Variants in SAMD5 observed in about 807,000 individuals in gnomAD.
The protein encoded by SAMD5 is sterile alpha motif domain-containing protein 5.
In SAMD5, 13 loss-of-function variants were observed where a neutral mutation model predicts 11.3. That is an observed-to-expected ratio of 1.15 (90% CI 0.75 to 1.83). The LOEUF (loss-of-function observed/expected upper bound fraction) is 1.83, where lower values mean the gene tolerates loss of function less well. Among genes scored for constraint, SAMD5 ranks in the 40% most tolerant of loss-of-function variants. The pLI is 0.00. For synonymous variants in SAMD5, 129 were observed against 111.3 expected (o/e 1.16, Z -1.00); for missense variants, 255 against 239.1 (o/e 1.07, Z -0.44).
chr6:147,524,422 G>GTT (rs71270324), intron 1 of SAMD5, among the ~76,000 whole-genome samples: 11 of 142,756 alleles, frequency 7.7e-5, no homozygotes, highest in African/African-American at 2.5e-4. Context: ...TGTTTTTGTT[G>GTT]TTTTTTTTTT....
chr6:147,768,655 TAATC>T, the SAMD5 span, among the ~76,000 whole-genome samples: 2 of 152,232 alleles, frequency 1.3e-5, no homozygotes, highest in African/African-American at 2.4e-5. Context: ...ATTTTATTTT[TAATC>T]AATAAATCAT....
chr6:147,626,791 GAA>G (rs529975933), intron 1 of SAMD5, among the ~76,000 whole-genome samples: 10,437 of 53,748 alleles, frequency 0.19, 287 homozygotes, highest in African/African-American at 0.22. Flanking sequence ...CTGTTTCTAT[GAA>G]AAAAAAAAAA....
rs75206143 is a variant in SAMD5 at position 147,728,159 on chromosome 6, C to T, written c.163-9158C>T. On this transcript the variant is annotated intron_variant, in intron 1 of 1. Coordinates refer to the SAMD5 transcript ENST00000566741. ...GAGATAACCAGGCTGGGCCCAGCGG[C>T]TCACACCTGTAATCCCAGCACTTTG... Among the ~76,000 whole-genome samples, 119 of 144,640 alleles carry T rather than the reference C, an allele frequency of 8.2e-4. 1 individual carries two copies. Among genetic ancestry groups the T allele is most frequent in the African/African-American group, 2.9e-3 (114 of 39,948 alleles). The allele number at this position is 144,640 out of a possible 152,430, so 94.9% of individuals were successfully genotyped here.
chr6:147,811,977 G>A, the SAMD5 span, among the ~76,000 whole-genome samples: 17 of 152,080 alleles, frequency 1.1e-4, no homozygotes, highest in East Asian at 3.9e-4. Context: ...GATAAAGGAC[G>A]TCACTTTTGG....
At chr6:147,928,214 G>A in the SAMD5 span, among the ~76,000 whole-genome samples, 2 of 151,982 alleles carry the variant, frequency 1.3e-5, no homozygotes, top group Non-Finnish European at 2.9e-5. Flanking sequence ...TCAGTTTTGG[G>A]AAATAGTTTC....
the SAMD5 span, among the ~76,000 whole-genome samples, chr6:147,939,313 T>C: frequency 1.3e-5 from 2 of 152,152 alleles, no homozygotes; most frequent in African/African-American, 2.4e-5. Context: ...GATTAAATCA[T>C]TGGCCACTGA....
intron 1 of SAMD5, among the ~76,000 whole-genome samples, chr6:147,672,147 A>G (rs1480091638): frequency 6.6e-6 from 1 of 151,690 alleles, no homozygotes; most frequent in Non-Finnish European, 1.5e-5. Flanking sequence ...TACTTTTGTT[A>G]TTTGTCTTAA....
the SAMD5 span, among the ~76,000 whole-genome samples, chr6:147,802,549 A>C: frequency 6.6e-6 from 1 of 151,636 alleles, no homozygotes; most frequent in African/African-American, 2.4e-5. Flanking sequence ...CAGCAGTTCC[A>C]CCCCTGGGTA....
At chr6:147,527,220 A>G (rs1051078580) in intron 1 of SAMD5, among the ~76,000 whole-genome samples, 3 of 152,162 alleles carry the variant, frequency 2.0e-5, no homozygotes, top group Non-Finnish European at 2.9e-5. Flanking sequence ...ATTTATAAAG[A>G]AAATAGGTTT....
At chr6:147,785,829 T>C in the SAMD5 span, among the ~76,000 whole-genome samples, 1 of 152,206 alleles carries the variant, frequency 6.6e-6, no homozygotes, top group Non-Finnish European at 1.5e-5. Context: ...CAGGAAGATC[T>C]CAAGAGATTA....
intron 1 of SAMD5, among the ~76,000 whole-genome samples, chr6:147,525,981 G>A (rs1788333110): frequency 6.6e-6 from 1 of 151,974 alleles, no homozygotes; most frequent in South Asian, 2.1e-4. Flanking sequence ...CATTATCTTT[G>A]GATATACCAC....
downstream of SAMD5, among the ~76,000 whole-genome samples, chr6:147,740,290 C>T (rs572716127): frequency 6.6e-6 from 1 of 152,222 alleles, no homozygotes; most frequent in Admixed American, 6.5e-5. Context: ...TGGTTCTCTA[C>T]TGCTCAAATA....
chr6:147,759,077 A>G, the SAMD5 span, among the ~76,000 whole-genome samples: 2 of 152,234 alleles, frequency 1.3e-5, no homozygotes, highest in East Asian at 1.9e-4. Context: ...GCGGTAGGCA[A>G]TGCATATTGC....
chr6:147,713,696 T>G (rs1216914907), intron 1 of SAMD5, among the ~76,000 whole-genome samples: 1 of 152,158 alleles, frequency 6.6e-6, no homozygotes, highest in African/African-American at 2.4e-5. Context: ...ACACAGAGTA[T>G]GGGGTAGAAG....
At chr6:147,514,230 C>G (rs1173961161) in intron 1 of SAMD5, among the ~76,000 whole-genome samples, 1 of 151,904 alleles carries the variant, frequency 6.6e-6, no homozygotes. Flanking sequence ...GGGTGGGTAG[C>G]TTCTCCTCCA....
At chr6:147,598,674 C>T (rs1789571768) in intron 1 of SAMD5, among the ~76,000 whole-genome samples, 2 of 152,170 alleles carry the variant, frequency 1.3e-5, no homozygotes, top group Non-Finnish European at 2.9e-5. Flanking sequence ...TGGAATCCAG[C>T]CCTTGAATCC....
chr6:147,764,909 A>C, the SAMD5 span, among the ~76,000 whole-genome samples: 1 of 152,144 alleles, frequency 6.6e-6, no homozygotes. Context: ...CTTTGTATGC[A>C]CGGTGGTTTG....
downstream of SAMD5, among the ~76,000 whole-genome samples, chr6:147,742,408 G>A (rs191218354): frequency 6.6e-5 from 10 of 152,176 alleles, no homozygotes; most frequent in African/African-American, 1.7e-4. Context: ...AATAATCTTC[G>A]CGTGACCTGC....
At chr6:147,560,156 T>C (rs907376594) in intron 1 of SAMD5, among the ~76,000 whole-genome samples, 3 of 152,224 alleles carry the variant, frequency 2.0e-5, no homozygotes, top group Admixed American at 6.5e-5. Context: ...CTATAGGAGA[T>C]ATGAACAAAT....
Sources: gnomAD v4.1 joint callset for allele counts (sites outside exome capture counted in the v4.1 genomes callset) on GRCh38, gnomAD v4.1.1 for gene constraint, MANE v1.5 for transcripts, NCBI Gene and HGNC (gene_info 2026-07-23, HGNC 2026-07-21) for gene names.